Variants in FSHR observed in about 807,000 individuals in gnomAD.
FSHR encodes the protein follicle-stimulating hormone receptor.
In FSHR, 46 loss-of-function variants were observed where a neutral mutation model predicts 52.1. The ratio of observed to expected loss-of-function variants is 0.88; its 90% CI spans 0.70 to 1.13. FSHR has a LOEUF of 1.13. Among genes scored for constraint, FSHR ranks in the 50% most tolerant of loss-of-function variants. The pLI is 0.00. For missense variants in FSHR, 964 were observed against 834.6 expected (o/e 1.16, Z -1.91); for synonymous variants, 399 against 309.6 (o/e 1.29, Z -3.03).
intron 4 of FSHR, among the ~76,000 whole-genome samples, chr2:49,005,779 G>A (rs1239222540): frequency 6.6e-6 from 1 of 152,110 alleles, no homozygotes; most frequent in African/African-American, 2.4e-5. Flanking sequence ...CTGGATTATG[G>A]CAACTGCCCT....
At chr2:49,105,462 G>C (rs1467798977) in intron 1 of FSHR, among the ~76,000 whole-genome samples, 1 of 151,862 alleles carries the variant, frequency 6.6e-6, no homozygotes, top group East Asian at 2.0e-4. Context: ...TAGAAAGTCA[G>C]GCCCCTCCCC....
chr2:49,060,470 C>CA (rs1558417428), intron 2 of FSHR, among the ~76,000 whole-genome samples: 2 of 152,156 alleles, frequency 1.3e-5, no homozygotes, highest in African/African-American at 4.8e-5. Context: ...CTTGACCAGC[C>CA]AGGGTGGTCA....
chr2:49,050,362 C>G (rs1668809086), intron 2 of FSHR, among the ~76,000 whole-genome samples: 1 of 152,134 alleles, frequency 6.6e-6, no homozygotes, highest in Admixed American at 6.6e-5. Flanking sequence ...AAGAGGTTTC[C>G]TTCACTCTGT....
chr2:48,968,708 T>C lies in FSHR; in HGVS notation c.844A>G (p.Arg282Gly), dbSNP rs745484247. The C allele has an allele frequency of 6.2e-7, 1 of 1,614,136 alleles. No individual in the cohort carries two copies. The highest frequency in any genetic ancestry group is 1.1e-5 in the South Asian group (1 of 91,080). ...PSHCCAFANW[R>G]RQISELHPIC... ...AAAGGATGGACTCACATTTGCCGTCTCCAGTTTGCAAAGGCACAGCAATGG... is the reference window on the plus strand; with the variant it reads ...AAAGGATGGACTCACATTTGCCGTCCCCAGTTTGCAAAGGCACAGCAATGG... Residue 282 changes from arginine to glycine, a missense_variant, in exon 9 of 10, where the codon AGA becomes GGA. By Grantham distance (125) the Arg-to-Gly change is moderately radical. Coordinates refer to ENST00000406846, the MANE Select transcript of FSHR (RefSeq NM_000145.4).
intron 2 of FSHR, among the ~76,000 whole-genome samples, chr2:49,030,200 T>C (rs1454430700): frequency 6.6e-6 from 1 of 151,996 alleles, no homozygotes; most frequent in Non-Finnish European, 1.5e-5. Context: ...TGATACCCCC[T>C]ACAAGCCAGT....
intron 4 of FSHR, among the ~76,000 whole-genome samples, chr2:49,008,046 C>A (rs867868344): frequency 6.7e-6 from 1 of 150,334 alleles, no homozygotes; most frequent in African/African-American, 2.4e-5. Context: ...TTTTATTATA[C>A]TTTAAGTTTT....
intron 4 of FSHR, among the ~76,000 whole-genome samples, chr2:48,995,457 T>A (rs1160538275): frequency 1.3e-5 from 2 of 152,082 alleles, no homozygotes. Flanking sequence ...CAAGTGTGTA[T>A]ATCCGGACCA....
At chr2:49,127,595 GCA>G (rs1219613410) in intron 1 of FSHR, among the ~76,000 whole-genome samples, 1 of 150,906 alleles carries the variant, frequency 6.6e-6, no homozygotes, top group African/African-American at 2.4e-5. Flanking sequence ...ATCATCCAAG[GCA>G]CAGGTCTACT....
chr2:49,090,215 A>G (rs572134971), intron 1 of FSHR, among the ~76,000 whole-genome samples: 4 of 152,132 alleles, frequency 2.6e-5, no homozygotes, highest in East Asian at 3.9e-4. Context: ...AACCACCACA[A>G]TCGGGATATG....
At chr2:49,011,203 C>T (rs985360570) in intron 4 of FSHR, among the ~76,000 whole-genome samples, 17 of 150,710 alleles carry the variant, frequency 1.1e-4, no homozygotes, top group Non-Finnish European at 1.6e-4. Flanking sequence ...GCTTTGAATG[C>T]GTCCCACAGA....
chr2:49,091,328 T>C (rs1212827782), intron 1 of FSHR, among the ~76,000 whole-genome samples: 1 of 152,110 alleles, frequency 6.6e-6, no homozygotes, highest in East Asian at 1.9e-4. Flanking sequence ...TTTTGAGACA[T>C]GGTCTTGTTC....
In FSHR at chr2:49,058,707, T is replaced by TACAAA. The variant is rs540824890; in HGVS notation, c.224+9507_224+9511dup. On this transcript the variant is annotated intron_variant, in intron 2 of 9. Coordinates refer to ENST00000406846, the MANE Select transcript of FSHR (RefSeq NM_000145.4). ...AGAAGCCCATTCCATTTACAAAAAC[T>TACAAA]ACAAAACAAAACAAAACCCTATGAA... Among the ~76,000 whole-genome samples the TACAAA allele has an allele frequency of 2.6e-3, 395 of 150,992 alleles. 1 individual carries two copies. Among genetic ancestry groups the TACAAA allele is most frequent in the Middle Eastern group, 0.01 (3 of 288 alleles).
intron 1 of FSHR, among the ~76,000 whole-genome samples, chr2:49,082,036 A>C (rs1028224298): frequency 6.6e-6 from 1 of 152,224 alleles, no homozygotes; most frequent in Non-Finnish European, 1.5e-5. Flanking sequence ...AAGATGGCCG[A>C]ATAGGAACAG....
In FSHR at chr2:49,002,698, G is replaced by A. The variant is rs999029973; in HGVS notation, c.375-12061C>T. On this transcript the variant is annotated intron_variant, in intron 4 of 9. Coordinates refer to ENST00000406846, the MANE Select transcript of FSHR (RefSeq NM_000145.4). Reference sequence around the variant, plus strand: ...CTCCCATGAAGTCCCTCCCCAACATGTGGGGATTACAATTTGGATTACAAA... The same window carrying A: ...CTCCCATGAAGTCCCTCCCCAACATATGGGGATTACAATTTGGATTACAAA... 6.1e-4 allele frequency among the ~76,000 whole-genome samples: 93 copies of A among 152,104 alleles called. 1 individual carries two copies. The highest frequency in any genetic ancestry group is 2.2e-3 in the African/African-American group (91 of 41,434).
At chr2:49,116,829 C>G (rs1408608591) in intron 1 of FSHR, among the ~76,000 whole-genome samples, 2 of 152,150 alleles carry the variant, frequency 1.3e-5, no homozygotes, top group Non-Finnish European at 2.9e-5. Context: ...TTTCAAGATT[C>G]TGGTCTCTTT....
chr2:49,117,323 G>A (rs1671638965), intron 1 of FSHR, among the ~76,000 whole-genome samples: 2 of 152,162 alleles, frequency 1.3e-5, no homozygotes, highest in Non-Finnish European at 2.9e-5. Flanking sequence ...GGTGTCATTA[G>A]GGGGAACCTC....
chr2:49,075,372 G>T (rs190304794), intron 1 of FSHR, among the ~76,000 whole-genome samples: 170 of 151,998 alleles, frequency 1.1e-3, no homozygotes, highest in African/African-American at 4.0e-3. Context: ...TTTGCCTTGA[G>T]AGAGGAAACC....
At chr2:48,986,749 T>C (rs1395424811) in intron 6 of FSHR, among the ~76,000 whole-genome samples, 1 of 152,192 alleles carries the variant, frequency 6.6e-6, no homozygotes, top group Non-Finnish European at 1.5e-5. Flanking sequence ...TGCAAAGCTA[T>C]GTCAGAAGTT....
rs145077918 is a variant in FSHR, at chr2:49,069,318, C to T, written c.153-1028G>A. ...CATTTGCGGTTCTCTCTGTTTGGAA[C>T]ATTTCTCTCTCAGATATCCTCATGG... On this transcript the variant is annotated intron_variant, in intron 1 of 9. Transcript: ENST00000406846. 5.8e-4 allele frequency among the ~76,000 whole-genome samples: 88 copies of T among 152,250 alleles called. No individual in the cohort carries two copies. In the South Asian group the frequency reaches 0.016, roughly 28 times the overall value.
Sources: allele counts gnomAD v4.1 joint callset (sites outside exome capture counted in the v4.1 genomes callset), GRCh38; gene constraint gnomAD v4.1.1; transcripts MANE v1.5; gene names NCBI Gene and HGNC (gene_info 2026-07-23, HGNC 2026-07-21).